The following ANKRD11 variants were observed in gnomAD, a reference collection of about 807,000 sequenced individuals.
ANKRD11 encodes ankyrin repeat domain 11, also known as ankyrin repeat domain-containing protein 11.
A neutral mutation model predicts 195.7 loss-of-function variants in ANKRD11; 17 were observed. That is an observed-to-expected ratio of 0.09 (90% CI 0.06 to 0.13). ANKRD11 has a LOEUF of 0.13. ANKRD11 is among the 10% of genes least tolerant of loss of function. The pLI, the probability that ANKRD11 is intolerant of heterozygous loss-of-function variation, is 1.00. For missense variants in ANKRD11, 3,735 were observed against 3,566.1 expected, an observed-to-expected ratio of 1.05 and a Z score of -1.21; for synonymous variants, 1,953 against 1,528.1, an observed-to-expected ratio of 1.28 and a Z score of -6.49.
intron 3 of ANKRD11, among the ~76,000 whole-genome samples, chr16:89,315,315 G>A (rs886433468): frequency 6.6e-6 from 1 of 152,180 alleles, no homozygotes; most frequent in Admixed American, 6.5e-5. Context: ...ACGAGATGAG[G>A]AAGATGAGGC....
chr16:89,483,253 G>C (rs759367918), intron 1 of ANKRD11, among the ~76,000 whole-genome samples: 1 of 152,148 alleles, frequency 6.6e-6, no homozygotes, highest in African/African-American at 2.4e-5. Context: ...AAACTTCACC[G>C]TACCATTAGC....
intron 2 of ANKRD11, among the ~76,000 whole-genome samples, chr16:89,369,930 C>A (rs1274488345): frequency 6.6e-6 from 1 of 152,178 alleles, no homozygotes; most frequent in African/African-American, 2.4e-5. Flanking sequence ...CAAACAAAAA[C>A]CAAACACGGG....
At chr16:89,349,134 TAAAAAAAAA>T (rs59621400) in intron 2 of ANKRD11, among the ~76,000 whole-genome samples, 35 of 16,582 alleles carry the variant, frequency 2.1e-3, no homozygotes, top group South Asian at 0.014. Context: ...TCTCAAAAAG[TAAAAAAAAA>T]AAAAAAAAAA....
intron 1 of ANKRD11, among the ~76,000 whole-genome samples, chr16:89,432,940 CCCTA>C (rs1295864736): frequency 6.0e-4 from 73 of 121,898 alleles, no homozygotes; most frequent in African/African-American, 1.9e-3. Flanking sequence ...GTGACAGAGA[CCCTA>C]TCTCTCTCTC....
intron 1 of ANKRD11, among the ~76,000 whole-genome samples, chr16:89,428,261 C>CT (rs1227192882): frequency 6.8e-6 from 1 of 148,024 alleles, no homozygotes; most frequent in Non-Finnish European, 1.5e-5. Context: ...CACGGTGGTT[C>CT]ACGCCTATAA....
At chr16:89,311,831 T>C (rs1428389766) in intron 3 of ANKRD11, among the ~76,000 whole-genome samples, 1 of 152,182 alleles carries the variant, frequency 6.6e-6, no homozygotes, top group Admixed American at 6.5e-5. Context: ...TGGCTTTTTC[T>C]TTCTTAAAGT....
At chr16:89,304,289 C>T (rs2036027985) in intron 4 of ANKRD11, among the ~76,000 whole-genome samples, 2 of 151,966 alleles carry the variant, frequency 1.3e-5, no homozygotes, top group East Asian at 1.9e-4. Context: ...CAGGCATGCA[C>T]ACATGGGCAC....
chr16:89,428,448 C>T (rs944556734), intron 1 of ANKRD11, among the ~76,000 whole-genome samples: 1 of 151,954 alleles, frequency 6.6e-6, no homozygotes, highest in African/African-American at 2.4e-5. Flanking sequence ...ATGTTGTGAA[C>T]CTGGGAGGCG....
At chr16:89,416,607 T>G (rs2042320934) in intron 2 of ANKRD11, among the ~76,000 whole-genome samples, 1 of 151,844 alleles carries the variant, frequency 6.6e-6, no homozygotes, top group Non-Finnish European at 1.5e-5. Context: ...CACTAATTGC[T>G]GATTAATAAT....
intron 2 of ANKRD11, among the ~76,000 whole-genome samples, chr16:89,412,987 G>C (rs1273496998): frequency 6.6e-6 from 1 of 152,138 alleles, no homozygotes; most frequent in Non-Finnish European, 1.5e-5. Flanking sequence ...CTGACAGCCA[G>C]AGCTCCCAAT....
chr16:89,483,252 C>T (rs1038077742), intron 1 of ANKRD11, among the ~76,000 whole-genome samples: 1 of 152,150 alleles, frequency 6.6e-6, no homozygotes, highest in South Asian at 2.1e-4. Flanking sequence ...AAAACTTCAC[C>T]GTACCATTAG....
chr16:89,319,204 G>A (rs529731071), intron 2 of ANKRD11, among the ~76,000 whole-genome samples: 2 of 152,326 alleles, frequency 1.3e-5, no homozygotes, highest in Non-Finnish European at 1.5e-5. Context: ...CAGCTCTGGC[G>A]TGGTCAGGGC....
intron 2 of ANKRD11, among the ~76,000 whole-genome samples, chr16:89,381,140 T>C (rs193249555): frequency 6.6e-6 from 1 of 152,034 alleles, no homozygotes; most frequent in African/African-American, 2.4e-5. Context: ...CCGGCCAACA[T>C]GGCGAAACCC....
intron 2 of ANKRD11, among the ~76,000 whole-genome samples, chr16:89,330,489 C>T (rs927473002): frequency 2.6e-5 from 4 of 151,866 alleles, no homozygotes; most frequent in Admixed American, 2.0e-4. Context: ...TGGACATGTC[C>T]GTGGGGCTAC....
chr16:89,387,692 G>GAA (rs920498026), intron 2 of ANKRD11, among the ~76,000 whole-genome samples: 10 of 67,502 alleles, frequency 1.5e-4, no homozygotes, highest in Middle Eastern at 0.02. Context: ...AAAAGAAAAA[G>GAA]AAAAAAAAAA....
intron 1 of ANKRD11, among the ~76,000 whole-genome samples, chr16:89,448,322 T>TA (rs1201790960): frequency 6.6e-6 from 1 of 152,192 alleles, no homozygotes; most frequent in Non-Finnish European, 1.5e-5. Flanking sequence ...AAAATGAGCA[T>TA]AAACAGTCCA....
chr16:89,390,221 G>A (rs574343296), intron 2 of ANKRD11, among the ~76,000 whole-genome samples: 3 of 126,182 alleles, frequency 2.4e-5, no homozygotes, highest in African/African-American at 5.9e-5. Flanking sequence ...CGAGTGTGGC[G>A]GGGAGCACCG....
chr16:89,285,128 G>C lies in ANKRD11; in HGVS notation c.1414C>G (p.Arg472Gly), dbSNP rs748844010. The C allele has an allele frequency of 1.2e-6, 2 of 1,613,574 alleles. No homozygotes were observed. Among genetic ancestry groups the C allele is most frequent in the Non-Finnish European group, 1.7e-6 (2 of 1,180,028 alleles). Residue 472 changes from arginine (R) to glycine (G), a missense_variant, in exon 9 of 13, where the codon CGG becomes GGG. By Grantham distance (125) the Arg-to-Gly change is moderately radical. Transcript: ENST00000301030. This position sits in a 1 kb window ranked among gnomAD's most constrained non-coding sequence, Gnocchi z 5.6. ...TCCGAGGAGCAGAACTTGTCGCTCCGCTTTCCGAAGCGAACCTCTCTGCCT... is the reference window on the plus strand; with the variant it reads ...TCCGAGGAGCAGAACTTGTCGCTCCCCTTTCCGAAGCGAACCTCTCTGCCT... ...TKGREVRFGK[R>G]SDKFCSSESE... is the part of the protein sequence containing the mutation.
chr16:89,346,317 T>C (rs1165697321), intron 2 of ANKRD11, among the ~76,000 whole-genome samples: 2 of 150,656 alleles, frequency 1.3e-5, no homozygotes, highest in Non-Finnish European at 2.9e-5. Flanking sequence ...GAGCAGATAT[T>C]AAAGTGCCTT....
Sources: gnomAD v4.1 joint callset for allele counts (sites outside exome capture counted in the v4.1 genomes callset) on GRCh38, gnomAD v4.1.1 for gene constraint, Gnocchi (gnomAD v3.1) non-coding constraint, MANE v1.5 for transcripts, NCBI Gene and HGNC (gene_info 2026-07-23, HGNC 2026-07-21) for gene names.